PLXNA4: variants seen among roughly 807,000 people sequenced by gnomAD.
The protein encoded by PLXNA4 is plexin-A4.
In PLXNA4, 44 loss-of-function variants were observed where a neutral mutation model predicts 191.8. That is an observed-to-expected ratio of 0.23 (90% CI 0.18 to 0.29). The LOEUF is 0.29. Ranked by LOEUF, PLXNA4 falls within the 10% of genes least tolerant of loss-of-function variation. The pLI is 1.00. For synonymous variants in PLXNA4, 1,082 were observed against 1,009.5 expected (o/e 1.07, Z -1.36); for missense variants, 1,800 against 2,488.8 (o/e 0.72, Z 5.89).
At chr7:132,291,717 G>A (rs1460729381) in intron 4 of PLXNA4, among the ~76,000 whole-genome samples, 1 of 152,122 alleles carries the variant, frequency 6.6e-6, no homozygotes, top group Non-Finnish European at 1.5e-5. Flanking sequence ...TCTCTACCAT[G>A]CATTCATCCT....
At chr7:132,189,994 T>G (rs1199088685) in intron 14 of PLXNA4, among the ~76,000 whole-genome samples, 2 of 152,084 alleles carry the variant, frequency 1.3e-5, no homozygotes, top group Non-Finnish European at 2.9e-5. Context: ...AAATGACAAA[T>G]CTTTGAGCTT....
chr7:132,521,666 G>C (rs547843078), intron 1 of PLXNA4, among the ~76,000 whole-genome samples: 1 of 152,142 alleles, frequency 6.6e-6, no homozygotes, highest in Admixed American at 6.5e-5. Context: ...AGCAACACCT[G>C]GGCAAGGAAC....
At chr7:132,602,701 C>T (rs1013320839) in intron 2 of PLXNA4, among the ~76,000 whole-genome samples, 1 of 152,120 alleles carries the variant, frequency 6.6e-6, no homozygotes, top group African/African-American at 2.4e-5. Context: ...GACCTGCCTC[C>T]CATCTTAGCG....
Position 132,372,375 on chromosome 7 carries a change from G to A in PLXNA4, c.1372-74153C>T, listed in dbSNP as rs562425094. Among the ~76,000 whole-genome samples the A allele has an allele frequency of 5.9e-5, 9 of 152,312 alleles. 2 individuals are homozygous for A. The highest frequency in any genetic ancestry group is 2.1e-4 in the South Asian group (1 of 4,832). On this transcript the variant is annotated intron_variant, in intron 3 of 31. Transcript: ENST00000321063. Reference sequence around the variant, plus strand: ...TCACCACACAGATCACACACGTGGCGTGGCCTGGGCCCTGTTTACTCAAGC... The same window carrying A: ...TCACCACACAGATCACACACGTGGCATGGCCTGGGCCCTGTTTACTCAAGC...
At chr7:132,513,242 A>C (rs929388522) in intron 1 of PLXNA4, among the ~76,000 whole-genome samples, 1 of 152,206 alleles carries the variant, frequency 6.6e-6, no homozygotes, top group Non-Finnish European at 1.5e-5. Context: ...AGTGGTAGAG[A>C]GGAAAGTTAT....
At chr7:132,188,354 A>G (rs1165316559) in intron 14 of PLXNA4, among the ~76,000 whole-genome samples, 1 of 152,178 alleles carries the variant, frequency 6.6e-6, no homozygotes, top group African/African-American at 2.4e-5. Flanking sequence ...TAATGGAAAA[A>G]CTTTCCTCAG....
chr7:132,442,969 G>A (rs781392663), intron 3 of PLXNA4, among the ~76,000 whole-genome samples: 3 of 152,154 alleles, frequency 2.0e-5, no homozygotes, highest in Non-Finnish European at 4.4e-5. Flanking sequence ...GACAAATAGA[G>A]TCGGCTCTGC....
At chr7:132,264,169 T>A (rs1476033738) in intron 4 of PLXNA4, 1 of 152,216 alleles carries the variant, frequency 6.6e-6, no homozygotes, top group Admixed American at 6.5e-5. Context: ...AGCCCAGAGA[T>A]GGATCCCAAA....
At chr7:132,466,668 C>T (rs867095148) in intron 3 of PLXNA4, among the ~76,000 whole-genome samples, 1 of 152,196 alleles carries the variant, frequency 6.6e-6, no homozygotes, top group African/African-American at 2.4e-5. Flanking sequence ...ATGTGAACAG[C>T]ACCCCCACAG....
chr7:132,408,038 TA>T (rs34030992), intron 3 of PLXNA4, among the ~76,000 whole-genome samples: 4,860 of 146,234 alleles, frequency 0.033, 123 homozygotes, highest in Non-Finnish European at 0.042. Context: ...TACAGGGATT[TA>T]AAAAAAAAAA....
In PLXNA4 at chr7:132,192,546, GGT is replaced by G. The variant is rs200947698; in HGVS notation, c.2856+1514_2856+1515del. On this transcript the variant is annotated intron_variant, in intron 14 of 31. Transcript: ENST00000321063. Reference sequence around the variant, plus strand: ...GGAGGAGAGAGAGATGGAGGCGAGGGGTGGGGGTGCAGAAGGAGGAAAGAGGG... The same window carrying G: ...GGAGGAGAGAGAGATGGAGGCGAGGGGGGGGTGCAGAAGGAGGAAAGAGGG... Among the ~76,000 whole-genome samples the G allele has an allele frequency of 6.9e-3, 1,048 of 151,760 alleles. 12 individuals are homozygous for G. Among genetic ancestry groups the G allele is most frequent in the African/African-American group, 0.024 (987 of 41,300 alleles).
intron 21 of PLXNA4, among the ~76,000 whole-genome samples, chr7:132,173,953 CA>C (rs2116693813): frequency 6.6e-6 from 1 of 152,312 alleles, no homozygotes; most frequent in Admixed American, 6.5e-5. Context: ...TGGTCCCAGG[CA>C]ACCACTGAAC....
intron 1 of PLXNA4, among the ~76,000 whole-genome samples, chr7:132,564,336 T>G (rs1295218224): frequency 3.4e-5 from 5 of 145,928 alleles, no homozygotes; most frequent in African/African-American, 5.1e-5. Context: ...CTCCTTCTGC[T>G]GCTCCTCCTC....
At position 132,124,504 on chromosome 7, in the gene PLXNA4, T is replaced by TTGAG. The variant is rs1794716920; in HGVS notation, c.*5971_*5974dup. On this transcript the variant is annotated 3_prime_UTR_variant, in exon 32 of 32. Coordinates refer to ENST00000321063, the MANE Select transcript of PLXNA4 (RefSeq NM_020911.2). ...GTAAGGGAGCCCTTCCAAAATGTGC[T>TTGAG]TGAGTCAAAAGATCAAAGATACTAA... The TTGAG allele has an allele frequency of 2.6e-5, 4 of 152,244 alleles. No homozygotes were observed. The highest frequency in any genetic ancestry group is 7.2e-5 in the African/African-American group (3 of 41,466). 9.4% of individuals were successfully genotyped at this position (152,244 alleles called of 1,614,324 possible). A position where few individuals can be genotyped will look rare whatever the true frequency, so the allele number is the denominator to read the frequency against.
intron 2 of PLXNA4, among the ~76,000 whole-genome samples, chr7:132,644,196 C>A (rs1563202406): frequency 6.6e-6 from 1 of 152,188 alleles, no homozygotes; most frequent in East Asian, 1.9e-4. Flanking sequence ...ATTTTGTCTC[C>A]CTGGCAGGTG....
chr7:132,264,619 C>T (rs1799775981), intron 4 of PLXNA4, among the ~76,000 whole-genome samples: 1 of 152,022 alleles, frequency 6.6e-6, no homozygotes, highest in Admixed American at 6.5e-5. Context: ...CTCCTCATGC[C>T]CTGAGCTACC....
chr7:132,536,465 C>T (rs753920028), intron 1 of PLXNA4, among the ~76,000 whole-genome samples: 11 of 152,312 alleles, frequency 7.2e-5, no homozygotes, highest in African/African-American at 1.7e-4. Flanking sequence ...AATAGAACGA[C>T]GACCTCAGTG....
chr7:132,577,920 C>G (rs1372821703), upstream of PLXNA4, among the ~76,000 whole-genome samples: 2 of 152,134 alleles, frequency 1.3e-5, no homozygotes, highest in Admixed American at 6.5e-5. Flanking sequence ...AAGGCCCGCA[C>G]GAGAGAACAT....
At chr7:132,217,653 T>A (rs928483275) in intron 9 of PLXNA4, among the ~76,000 whole-genome samples, 1 of 152,174 alleles carries the variant, frequency 6.6e-6, no homozygotes, top group Non-Finnish European at 1.5e-5. Context: ...TACAAAAATG[T>A]AACGCATCAT....
Sources: allele counts gnomAD v4.1 joint callset (sites outside exome capture counted in the v4.1 genomes callset), GRCh38; gene constraint gnomAD v4.1.1; transcripts MANE v1.5; gene names NCBI Gene and HGNC (gene_info 2026-07-23, HGNC 2026-07-21).